Variants in MAP3K3 observed in about 807,000 individuals in gnomAD.
MAP3K3 encodes the protein MAP/ERK kinase kinase 3.
MAP3K3 carries 12 observed loss-of-function variants against 80.9 expected under a neutral mutation model. The ratio of observed to expected loss-of-function variants is 0.15; its 90% CI spans 0.10 to 0.24. The LOEUF (loss-of-function observed/expected upper bound fraction) is 0.24, where lower values mean the gene tolerates loss of function less well. Among genes scored for constraint, MAP3K3 ranks in the 10% least tolerant of loss-of-function variants. The pLI is 1.00. For synonymous variants in MAP3K3, 272 were observed against 307.1 expected, an observed-to-expected ratio of 0.89 and a Z score of 1.19; for missense variants, 596 against 834.7, an observed-to-expected ratio of 0.71 and a Z score of 3.52.
intron 5 of MAP3K3, among the ~76,000 whole-genome samples, chr17:63,658,420 C>A (rs1220881804): frequency 6.6e-6 from 1 of 152,150 alleles, no homozygotes; most frequent in African/African-American, 2.4e-5. Flanking sequence ...GTTGCTTTAC[C>A]CAATGGCAGG....
intron 2 of MAP3K3, among the ~76,000 whole-genome samples, chr17:63,636,437 G>C (rs2034325035): frequency 6.6e-6 from 1 of 152,148 alleles, no homozygotes; most frequent in Non-Finnish European, 1.5e-5. Flanking sequence ...AATATTCTTA[G>C]ATGTGTGGCA....
At chr17:63,688,426 C>A (rs2035506415) in intron 8 of MAP3K3, 101 bp from the exon 9 acceptor site, 2 of 910,444 alleles carry the variant, frequency 2.2e-6, no homozygotes, top group Non-Finnish European at 3.7e-6. Flanking sequence ...CTTCCCCCAC[C>A]TAATGCTGTG....
At chr17:63,668,069 C>T (rs996571462) in intron 6 of MAP3K3, 3 of 152,172 alleles carry the variant, frequency 2.0e-5, no homozygotes, top group African/African-American at 4.8e-5. Flanking sequence ...TATCAAACAT[C>T]GTGTTGAGCC....
intron 2 of MAP3K3, among the ~76,000 whole-genome samples, chr17:63,634,176 T>C (rs1232070146): frequency 6.6e-6 from 1 of 152,200 alleles, no homozygotes; most frequent in Non-Finnish European, 1.5e-5. Flanking sequence ...CTATAACTCA[T>C]TTGTATTCAA....
chr17:63,646,880 C>T (rs906963871), intron 3 of MAP3K3, among the ~76,000 whole-genome samples: 2 of 152,082 alleles, frequency 1.3e-5, no homozygotes, highest in South Asian at 4.2e-4. Context: ...CATAAATGTG[C>T]CTTTCGGTGT....
intron 8 of MAP3K3, among the ~76,000 whole-genome samples, chr17:63,687,198 T>C (rs201554461): frequency 3.6e-5 from 5 of 139,024 alleles, no homozygotes; most frequent in African/African-American, 1.5e-4. Context: ...AAACCCCGTC[T>C]CTACTAAAAA....
chr17:63,666,314 A>G (rs1341929200), intron 5 of MAP3K3, among the ~76,000 whole-genome samples: 1 of 152,160 alleles, frequency 6.6e-6, no homozygotes, highest in Non-Finnish European at 1.5e-5. Context: ...TGTTGGGAAA[A>G]AGAAGCAAAT....
Position 63,622,701 on chromosome 17 carries a change from A to G in MAP3K3, c.-59A>G. 4.6e-6 allele frequency: 2 copies of G among 438,074 alleles called. No homozygotes were observed. Among genetic ancestry groups the G allele is most frequent in the East Asian group, 7.6e-5 (1 of 13,116 alleles). 27.1% of individuals were successfully genotyped at this position (438,074 alleles called of 1,614,324 possible). A position where few individuals can be genotyped will look rare whatever the true frequency, so the allele number is the denominator to read the frequency against. On this transcript the variant is annotated 5_prime_UTR_variant, in exon 1 of 16. Coordinates refer to ENST00000361733, the MANE Select transcript of MAP3K3 (RefSeq NM_002401.5). ...CCCGCCGCCCGGGCCCCCGGCATGCAGCCCCGGCTGCGGAGGTGACACTCA... is the reference window on the plus strand; with the variant it reads ...CCCGCCGCCCGGGCCCCCGGCATGCGGCCCCGGCTGCGGAGGTGACACTCA...
At chr17:63,657,672 C>T in intron 4 of MAP3K3, 122 bp from the exon 5 acceptor site, 1 of 506,986 alleles carries the variant, frequency 2.0e-6, no homozygotes, top group East Asian at 3.2e-5. Context: ...CCCATAGTAT[C>T]CAGTGAGATT....
At chr17:63,664,193 G>C (rs2034954699) in intron 5 of MAP3K3, among the ~76,000 whole-genome samples, 1 of 144,870 alleles carries the variant, frequency 6.9e-6, no homozygotes, top group East Asian at 2.0e-4. Flanking sequence ...CTTGCAGTGA[G>C]CCGAGATCGC....
At chr17:63,642,484 C>A (rs1284861161) in intron 2 of MAP3K3, among the ~76,000 whole-genome samples, 2 of 151,942 alleles carry the variant, frequency 1.3e-5, no homozygotes, top group Non-Finnish European at 2.9e-5. Context: ...GGGGTGAAAC[C>A]TTGTCTCTAC....
intron 3 of MAP3K3, among the ~76,000 whole-genome samples, chr17:63,647,494 G>A (rs559170809): frequency 1.3e-5 from 2 of 152,300 alleles, no homozygotes; most frequent in East Asian, 3.8e-4. Context: ...GTTACAGTGA[G>A]CAGGCTTACA....
At chr17:63,624,597 G>T (rs1458814727) in intron 1 of MAP3K3, among the ~76,000 whole-genome samples, 8 of 152,230 alleles carry the variant, frequency 5.3e-5, no homozygotes, top group Admixed American at 5.2e-4. Flanking sequence ...AGAAAAAAGG[G>T]CCAGGACCTC....
At position 63,693,589 on chromosome 17, in the gene MAP3K3, C is replaced by T; in HGVS notation, c.1693C>T (p.Pro565Ser). 6.2e-7 allele frequency: 1 copy of T among 1,607,330 alleles called. No individual in the cohort carries two copies. Among genetic ancestry groups the T allele is most frequent in the Non-Finnish European group, 8.5e-7 (1 of 1,176,638 alleles). ...CTVVEMLTEKPPWAEYEAMAA... is the reference protein window; with the variant it reads ...CTVVEMLTEKSPWAEYEAMAA... ...TGTGGTGGAGATGCTGACAGAGAAA[C>T]CACCGTGGGCAGAGTATGAAGCTAT... The change falls in exon 16 of 16, where the codon CCA (proline) becomes TCA (serine). Residue 565 changes from proline (P) to serine (S), a missense_variant. Around this residue, in one of 2 missense-constraint regions of MAP3K3, gnomAD observed 364 missense variants for 588.9 expected, o/e 0.62. Coordinates refer to ENST00000361733, the MANE Select transcript of MAP3K3 (RefSeq NM_002401.5). This position sits in a 1 kb window ranked among gnomAD's most constrained non-coding sequence, Gnocchi z 4.2.
At chr17:63,643,057 C>T (rs1424689475) in intron 2 of MAP3K3, among the ~76,000 whole-genome samples, 1 of 144,678 alleles carries the variant, frequency 6.9e-6, no homozygotes, top group East Asian at 2.0e-4. Flanking sequence ...CACACCTGGC[C>T]TAAAACTTCT....
intron 3 of MAP3K3, among the ~76,000 whole-genome samples, chr17:63,650,638 TTCTC>T (rs1172461301): frequency 6.8e-6 from 1 of 146,826 alleles, no homozygotes; most frequent in African/African-American, 2.6e-5. Flanking sequence ...TAGGAAGACC[TTCTC>T]TCTCTCTGTC....
At chr17:63,628,115 A>G (rs1335656421) in intron 1 of MAP3K3, among the ~76,000 whole-genome samples, 9 of 151,788 alleles carry the variant, frequency 5.9e-5, no homozygotes, top group South Asian at 2.1e-4. Context: ...CATGTTGACC[A>G]GGCTGGTCTT....
intron 6 of MAP3K3, among the ~76,000 whole-genome samples, chr17:63,667,274 A>G (rs1324142859): frequency 6.6e-6 from 1 of 152,240 alleles, no homozygotes; most frequent in Non-Finnish European, 1.5e-5. Flanking sequence ...ATATAATGAT[A>G]TAGTAGTGTG....
intron 1 of MAP3K3, among the ~76,000 whole-genome samples, chr17:63,629,790 G>A (rs1409931380): frequency 6.6e-6 from 1 of 152,204 alleles, no homozygotes; most frequent in African/African-American, 2.4e-5. Context: ...TTCCACTAGT[G>A]TGTTCTCAGC....
Sources: gnomAD v4.1 joint callset for allele counts (sites outside exome capture counted in the v4.1 genomes callset) on GRCh38, gnomAD v4.1.1 for gene constraint, gnomAD v4.1.1 regional missense constraint, Gnocchi (gnomAD v3.1) non-coding constraint, MANE v1.5 for transcripts, NCBI Gene and HGNC (gene_info 2026-07-23, HGNC 2026-07-21) for gene names.